Variants in TNK2 observed in about 807,000 individuals in gnomAD.
The protein encoded by TNK2 is activated CDC42 kinase 1.
TNK2 carries 83 observed loss-of-function variants against 101.8 expected under a neutral mutation model. The observed-to-expected ratio is 0.82, with a 90% CI of 0.68 to 0.98. TNK2 has a LOEUF of 0.98. Ranked by LOEUF, TNK2 falls within the 50% of genes least tolerant of loss-of-function variation. The pLI, the probability that TNK2 is intolerant of heterozygous loss-of-function variation, is 0.00. For synonymous variants in TNK2, 804 were observed against 633.0 expected (o/e 1.27, Z -4.06); for missense variants, 1,665 against 1,483.2 (o/e 1.12, Z -2.01).
rs530189589 is a variant in TNK2 at position 195,882,365 on chromosome 3, G to T, written c.610-37C>A. ...GAGGAGGCAGGAGGAATGAGCTGGA[G>T]GACCCTGCCCCTTCTCAGCAGCCCA... On this transcript the variant is annotated intron_variant, in intron 5 of 15. Coordinates refer to ENST00000672887, the MANE Select transcript of TNK2 (RefSeq NM_001382273.1). This position sits in a 1 kb window ranked among gnomAD's most constrained non-coding sequence, Gnocchi z 4.2. 24 of 1,606,024 alleles carry T rather than the reference G, an allele frequency of 1.5e-5. No homozygotes were observed. The South Asian group carries it at 2.6e-4, about 18-fold the overall frequency.
At position 195,878,398 on chromosome 3, in the gene TNK2, C is replaced by T. The variant is rs202094312; in HGVS notation, c.1161+48G>A. ...AACTCTGGGACTGACGCCTGGGTAGCCCCTCAGCTTGAACACCCCAGCTCT... is the reference window on the plus strand; with the variant it reads ...AACTCTGGGACTGACGCCTGGGTAGTCCCTCAGCTTGAACACCCCAGCTCT... On this transcript the variant is annotated intron_variant, in intron 8 of 15. Coordinates refer to ENST00000672887, the MANE Select transcript of TNK2 (RefSeq NM_001382273.1). This position sits in a 1 kb window ranked among gnomAD's most constrained non-coding sequence, Gnocchi z 4.7. The T allele has an allele frequency of 6.2e-7, 1 of 1,613,758 alleles. No homozygotes were observed. Among genetic ancestry groups the T allele is most frequent in the Non-Finnish European group, 8.5e-7 (1 of 1,179,926 alleles).
At chr3:195,879,365 G>A (rs1218591399) in intron 6 of TNK2, 190 bp from the exon 7 acceptor site, 9 of 759,236 alleles carry the variant, frequency 1.2e-5, no homozygotes, top group South Asian at 1.9e-5. Flanking sequence ...TGGGGAAATC[G>A]TCTAAGCCCA....
chr3:195,895,711 G>C (rs1040396638), intron 1 of TNK2: 4 of 708,350 alleles, frequency 5.6e-6, no homozygotes, highest in Non-Finnish European at 7.9e-6. Context: ...CCACCAACTG[G>C]GGCCTTGGGG....
intron 1 of TNK2, among the ~76,000 whole-genome samples, chr3:195,890,083 A>G (rs1167527293): frequency 2.6e-5 from 4 of 152,250 alleles, no homozygotes; most frequent in African/African-American, 9.6e-5. Flanking sequence ...GGGAAGTACA[A>G]AGAGTAACAA....
At chr3:195,875,459 A>G (rs996203910) in intron 9 of TNK2, among the ~76,000 whole-genome samples, 1 of 149,016 alleles carries the variant, frequency 6.7e-6, no homozygotes, top group African/African-American at 2.5e-5. Flanking sequence ...GCTCGGAGGC[A>G]CAGGAAGCTC....
rs760254621 is a variant in TNK2, at chr3:195,867,633, G to A, written c.2665C>T (p.Arg889Cys). The A allele has an allele frequency of 2.9e-5, 47 of 1,601,118 alleles. No homozygotes were observed. In the Admixed American group the frequency reaches 3.2e-4, roughly 11 times the overall value. ...ERPSYLERYQ[R>C]FLREAQSPEE... ...GGGCTCTGGGCCTCACGCAGGAAGCGCTGGTAGCGCTCCAGGTAGGATGGT... is the reference window on the plus strand; with the variant it reads ...GGGCTCTGGGCCTCACGCAGGAAGCACTGGTAGCGCTCCAGGTAGGATGGT... The change falls in exon 13 of 16, where the codon CGC (arginine) becomes TGC (cysteine). Residue 889 changes from arginine (R) to cysteine (C), a missense_variant. Physicochemically the swap from Arg to Cys is radical, Grantham distance 180. Around this residue, in one of 3 missense-constraint regions of TNK2, gnomAD observed 1,136 missense variants for 894.9 expected, o/e 1.27. Coordinates refer to ENST00000672887, the MANE Select transcript of TNK2 (RefSeq NM_001382273.1).
At chr3:195,868,985 C>A in intron 12 of TNK2, 1 of 504,244 alleles carries the variant, frequency 2.0e-6, no homozygotes, top group Non-Finnish European at 3.5e-6. Flanking sequence ...CTGGCTCCTG[C>A]CTGACGCTGC....
intron 1 of TNK2, among the ~76,000 whole-genome samples, chr3:195,893,214 TG>T (rs1302319826): frequency 6.6e-6 from 1 of 150,796 alleles, no homozygotes; most frequent in African/African-American, 2.4e-5. Flanking sequence ...CAGCCTTGGC[TG>T]GGTGTCTCCT....
intron 6 of TNK2, among the ~76,000 whole-genome samples, chr3:195,879,726 G>A (rs1348464424): frequency 4.6e-5 from 7 of 152,122 alleles, no homozygotes; most frequent in Admixed American, 1.3e-4. Flanking sequence ...ACATCCCGGC[G>A]TGGACTGAGG....
At chr3:195,902,339 C>A (rs554258322) in intron 1 of TNK2, among the ~76,000 whole-genome samples, 31 of 152,220 alleles carry the variant, frequency 2.0e-4, no homozygotes, top group African/African-American at 5.5e-4. Context: ...CAGTAAGGGC[C>A]GGGCGCGGGG....
chr3:195,899,789 C>G (rs914072970), intron 1 of TNK2, among the ~76,000 whole-genome samples: 2 of 152,184 alleles, frequency 1.3e-5, no homozygotes, highest in Non-Finnish European at 1.5e-5. Flanking sequence ...CCACATCTGT[C>G]GCCCTGAAGG....
rs1437124006 is a variant in TNK2 at position 195,867,910 on chromosome 3, C to G, written c.2388G>C (p.Arg796=). The part of the protein sequence containing the change: ...GPASPPRVPP[R]EPLSPQGSRT... Reference sequence around the variant, plus strand: ...TCGAGCCTTGAGGGGACAGGGGCTCCCGCGGAGGCACCCGGGGAGGGGAAG... The same window carrying G: ...TCGAGCCTTGAGGGGACAGGGGCTCGCGCGGAGGCACCCGGGGAGGGGAAG... The change falls in exon 13 of 16, where the codon CGG becomes CGC. Residue 796 remains arginine (R), a synonymous_variant. Coordinates refer to ENST00000672887, the MANE Select transcript of TNK2 (RefSeq NM_001382273.1). The G allele has an allele frequency of 6.5e-7, 1 of 1,531,300 alleles. No homozygotes were observed. The highest frequency in any genetic ancestry group is 1.3e-5 in the South Asian group (1 of 79,164). 94.9% of individuals were successfully genotyped at this position (1,531,300 alleles called of 1,614,324 possible). A position where few individuals can be genotyped will look rare whatever the true frequency, so the allele number is the denominator to read the frequency against.
chr3:195,887,756 TGTGCGCACGTGTGTGCGTCTGCGCGC>T (rs1192105519), intron 2 of TNK2, among the ~76,000 whole-genome samples: 7 of 147,950 alleles, frequency 4.7e-5, no homozygotes, highest in African/African-American at 1.3e-4. Context: ...TGCACACGCG[TGTGCGCACGTGTGTGCGTCTGCGCGC>T]GTGTGTGTAC....
intron 12 of TNK2, 84 bp from the exon 13 acceptor site, chr3:195,868,793 C>T (rs1742719393): frequency 7.0e-7 from 1 of 1,419,554 alleles, no homozygotes; most frequent in South Asian, 1.4e-5. Context: ...GGAGAGAAAG[C>T]CAAGTGTCCC....
chr3:195,892,349 C>T, intron 1 of TNK2: 1 of 1,434,366 alleles, frequency 7.0e-7, no homozygotes, highest in Non-Finnish European at 9.3e-7. Context: ...GCCTCTCAGT[C>T]AAGTGCTGGT....
intron 4 of TNK2, 56 bp downstream of exon 4, chr3:195,884,756 A>C: frequency 6.6e-7 from 1 of 1,507,288 alleles, no homozygotes; most frequent in South Asian, 1.2e-5. Context: ...CAGAAGAGCC[A>C]CTACCAGCCC....
At chr3:195,870,495 A>C (rs868827148) in intron 10 of TNK2, 10 of 990,942 alleles carry the variant, frequency 1.0e-5, no homozygotes, top group Non-Finnish European at 1.4e-5. Context: ...CCAGGCCCCC[A>C]GCCCACACCA....
chr3:195,871,147 A>C (rs1745001755), intron 10 of TNK2, among the ~76,000 whole-genome samples: 1 of 148,368 alleles, frequency 6.7e-6, no homozygotes, highest in South Asian at 2.2e-4. Context: ...GGGGCCTGGA[A>C]TCCCCCTGCG....
chr3:195,907,873 G>C (rs1313905912), intron 1 of TNK2, among the ~76,000 whole-genome samples: 3 of 152,188 alleles, frequency 2.0e-5, no homozygotes, highest in Non-Finnish European at 2.9e-5. Context: ...ACCCAGAGAC[G>C]AGAGGGCTCA....
Sources: gnomAD v4.1 joint callset for allele counts (sites outside exome capture counted in the v4.1 genomes callset) on GRCh38, gnomAD v4.1.1 for gene constraint, gnomAD v4.1.1 regional missense constraint, Gnocchi (gnomAD v3.1) non-coding constraint, MANE v1.5 for transcripts, NCBI Gene and HGNC (gene_info 2026-07-23, HGNC 2026-07-21) for gene names.